Variants in CTNND2 observed in about 807,000 individuals in gnomAD.
CTNND2 encodes catenin delta 2.
In CTNND2, 22 loss-of-function variants were observed where a neutral mutation model predicts 144.4. The observed-to-expected ratio is 0.15, with a 90% CI of 0.11 to 0.22. CTNND2 has a LOEUF of 0.22. Ranked by LOEUF, CTNND2 falls within the 10% of genes least tolerant of loss-of-function variation. The probability of loss-of-function intolerance (pLI) is 1.00; values close to 1 mark genes in which losing one functional copy is unlikely to be tolerated. For missense variants in CTNND2, 1,353 were observed against 1,618.8 expected (o/e 0.84, Z 2.82); for synonymous variants, 751 against 695.6 (o/e 1.08, Z -1.25).
chr5:11,492,174 A>G (rs1769454494), intron 3 of CTNND2, among the ~76,000 whole-genome samples: 1 of 152,198 alleles, frequency 6.6e-6, no homozygotes, highest in East Asian at 1.9e-4. Flanking sequence ...GTGGCTTCAC[A>G]TGAACTCTGC....
rs2149833171 is a variant in CTNND2, at chr5:11,202,696, C to G, written c.1762-3035G>C. 1.3e-5 allele frequency among the ~76,000 whole-genome samples: 2 copies of G among 152,292 alleles called. 1 individual carries two copies. The highest frequency in any genetic ancestry group is 4.1e-4 in the South Asian group (2 of 4,824). ...GGGAGGCCCTGACATGGACTCCAGT[C>G]CTCTTGCTTCTGGTGGCTGTGCGTG... On this transcript the variant is annotated intron_variant, in intron 10 of 21. Transcript: ENST00000304623.
intron 2 of CTNND2, among the ~76,000 whole-genome samples, chr5:11,636,037 C>T (rs756766508): frequency 8.0e-5 from 12 of 150,654 alleles, no homozygotes; most frequent in Non-Finnish European, 1.5e-5. Flanking sequence ...CCCCCCCACC[C>T]CCGCCACACA....
At chr5:11,008,362 T>C (rs1697899) in intron 18 of CTNND2, among the ~76,000 whole-genome samples, 117,425 of 151,458 alleles carry the variant, frequency 0.78, 45,752 homozygotes, top group African/African-American at 0.85. Context: ...ATAAGAGAGA[T>C]TTGGGGGGTC....
intron 3 of CTNND2, among the ~76,000 whole-genome samples, chr5:11,446,593 T>C (rs1410820588): frequency 6.6e-6 from 1 of 152,024 alleles, no homozygotes; most frequent in African/African-American, 2.4e-5. Flanking sequence ...CTGTAAAAAC[T>C]AAAGGTTGCA....
At chr5:11,333,676 G>A (rs1167152193) in intron 9 of CTNND2, among the ~76,000 whole-genome samples, 3 of 152,182 alleles carry the variant, frequency 2.0e-5, no homozygotes, top group African/African-American at 7.2e-5. Flanking sequence ...GAAGAGTAGG[G>A]ATGACCTTCT....
At chr5:11,888,785 C>T (rs1240706144) in intron 1 of CTNND2, among the ~76,000 whole-genome samples, 2 of 146,956 alleles carry the variant, frequency 1.4e-5, no homozygotes, top group Admixed American at 6.9e-5. Flanking sequence ...CTCACTCTGT[C>T]ACCCAGGCTG....
intron 9 of CTNND2, among the ~76,000 whole-genome samples, chr5:11,319,386 A>G (rs1157450995): frequency 2.0e-5 from 3 of 152,226 alleles, no homozygotes; most frequent in Non-Finnish European, 4.4e-5. Flanking sequence ...AGAATATGTA[A>G]AATAAATATT....
At chr5:11,136,744 C>T (rs914428127) in intron 12 of CTNND2, among the ~76,000 whole-genome samples, 7 of 152,238 alleles carry the variant, frequency 4.6e-5, no homozygotes, top group Non-Finnish European at 1.0e-4. Context: ...AGGGAAGTCT[C>T]ATGTAGCAGC....
intron 1 of CTNND2, among the ~76,000 whole-genome samples, chr5:11,867,633 C>CCATTCATT (rs58976660): frequency 6.6e-6 from 1 of 151,474 alleles, no homozygotes; most frequent in African/African-American, 2.4e-5. Flanking sequence ...GATACTGAGA[C>CCATTCATT]CATTCATTCA....
chr5:11,481,098 A>C (rs958979772), intron 3 of CTNND2, among the ~76,000 whole-genome samples: 1 of 152,154 alleles, frequency 6.6e-6, no homozygotes, highest in Non-Finnish European at 1.5e-5. Flanking sequence ...CATCATCAAC[A>C]CTCATAAACC....
chr5:11,391,362 C>T (rs368785418), intron 6 of CTNND2, among the ~76,000 whole-genome samples: 8 of 151,970 alleles, frequency 5.3e-5, no homozygotes, highest in African/African-American at 9.7e-5. Flanking sequence ...ACAGACAAGG[C>T]GATTTGATCT....
intron 3 of CTNND2, among the ~76,000 whole-genome samples, chr5:11,540,435 T>A (rs962353486): frequency 2.0e-5 from 3 of 152,208 alleles, no homozygotes; most frequent in Non-Finnish European, 4.4e-5. Context: ...TCACTGGGAA[T>A]CCCGCTGGGA....
intron 9 of CTNND2, among the ~76,000 whole-genome samples, chr5:11,249,296 C>A (rs1743325255): frequency 6.6e-6 from 1 of 152,186 alleles, no homozygotes; most frequent in African/African-American, 2.4e-5. Flanking sequence ...GTGTTTGAAC[C>A]AAGTTGGGCT....
intron 16 of CTNND2, among the ~76,000 whole-genome samples, chr5:11,055,263 AAAG>A (rs1337866839): frequency 6.6e-6 from 1 of 152,368 alleles, no homozygotes; most frequent in East Asian, 1.9e-4. Context: ...TTTAAACTTA[AAAG>A]AAGCCTTTTC....
chr5:11,209,881 C>T (rs757799468), intron 10 of CTNND2, among the ~76,000 whole-genome samples: 14 of 152,154 alleles, frequency 9.2e-5, no homozygotes, highest in South Asian at 2.1e-4. Flanking sequence ...GAGATCGCAC[C>T]ACTGCACTCC....
chr5:10,989,401 C>A (rs1211121385), intron 19 of CTNND2, among the ~76,000 whole-genome samples: 1 of 152,204 alleles, frequency 6.6e-6, no homozygotes, highest in Non-Finnish European at 1.5e-5. Context: ...CAGAGCCCAT[C>A]CTGGACCTTT....
At chr5:11,174,060 C>G (rs897070367) in intron 11 of CTNND2, among the ~76,000 whole-genome samples, 2 of 152,108 alleles carry the variant, frequency 1.3e-5, no homozygotes, top group African/African-American at 2.4e-5. Flanking sequence ...TGGCTGGCAG[C>G]TCGGCTGGAT....
chr5:11,334,569 C>T (rs918180640), intron 9 of CTNND2, among the ~76,000 whole-genome samples: 7 of 152,284 alleles, frequency 4.6e-5, no homozygotes, highest in African/African-American at 1.4e-4. Flanking sequence ...AAAGACTGGA[C>T]GCCCTCTGCC....
Position 10,975,037 on chromosome 5 carries a change from A to G in CTNND2, c.3418-1324T>C, listed in dbSNP as rs899625915. Among the ~76,000 whole-genome samples the G allele has an allele frequency of 2.6e-5, 4 of 152,002 alleles. No individual in the cohort carries two copies. In the East Asian group the frequency reaches 7.7e-4, roughly 29 times the overall value. On this transcript the variant is annotated intron_variant, in intron 21 of 21. Transcript: ENST00000304623. ...GTTTCTGTCTACCTACAGAAGTCCAAAAGTCCATAGAGGATAAACCTTTGT... is the reference window on the plus strand; with the variant it reads ...GTTTCTGTCTACCTACAGAAGTCCAGAAGTCCATAGAGGATAAACCTTTGT...
Sources: gnomAD v4.1 joint callset for allele counts (sites outside exome capture counted in the v4.1 genomes callset) on GRCh38, gnomAD v4.1.1 for gene constraint, MANE v1.5 for transcripts, NCBI Gene and HGNC (gene_info 2026-07-23, HGNC 2026-07-21) for gene names.